WDR6: variants seen among roughly 807,000 people sequenced by gnomAD.
WDR6 encodes the protein tRNA (34-2'-O)-methyltransferase regulator WDR6.
WDR6 carries 58 observed loss-of-function variants against 85.6 expected under a neutral mutation model. That is an observed-to-expected ratio of 0.68 (90% CI 0.55 to 0.84). WDR6 has a LOEUF of 0.84. WDR6 is among the 40% of genes least tolerant of loss of function. The probability of loss-of-function intolerance (pLI) is 0.00; values close to 1 mark genes in which losing one functional copy is unlikely to be tolerated. For synonymous variants in WDR6, 569 were observed against 582.2 expected, an observed-to-expected ratio of 0.98 and a Z score of 0.33; for missense variants, 1,310 against 1,476.4, an observed-to-expected ratio of 0.89 and a Z score of 1.85.
At position 49,015,470 on chromosome 3, in the gene WDR6, C is replaced by G. The variant is rs2093050206; in HGVS notation, c.*182C>G. 2 of 1,513,376 alleles carry G rather than the reference C, an allele frequency of 1.3e-6. No individual in the cohort carries two copies. The highest frequency in any genetic ancestry group is 1.8e-6 in the Non-Finnish European group (2 of 1,106,872). 93.7% of individuals were successfully genotyped at this position (1,513,376 alleles called of 1,614,324 possible). A position where few individuals can be genotyped will look rare whatever the true frequency, so the allele number is the denominator to read the frequency against. The stretch of plus-strand genomic sequence containing the variant: ...GTGCTGCCAAGAATATGCCCGACTC[C>G]CCATGACAAGACAGAACTTTGTAAC... On this transcript the variant is annotated 3_prime_UTR_variant, in exon 6 of 6. Transcript: ENST00000608424.
Position 49,015,581 on chromosome 3 carries a change from T to C in WDR6, c.*293T>C. The stretch of plus-strand genomic sequence containing the variant: ...GAACATTCCCAGGTATTGGAGCCTC[T>C]GTGGCCTTAAATGTGGCTCAGTGGA... On this transcript the variant is annotated 3_prime_UTR_variant, in exon 6 of 6. Transcript: ENST00000608424. 6.2e-7 allele frequency: 1 copy of C among 1,614,132 alleles called. No individual in the cohort carries two copies. Among genetic ancestry groups the C allele is most frequent in the Non-Finnish European group, 8.5e-7 (1 of 1,179,998 alleles).
rs1455770540 is a variant in WDR6 at position 49,012,856 on chromosome 3, T to C, written c.1322T>C (p.Leu441Ser). 1 of 1,613,614 alleles carries C rather than the reference T, an allele frequency of 6.2e-7. No individual in the cohort carries two copies. The highest frequency in any genetic ancestry group is 1.3e-5 in the African/African-American group (1 of 74,854). Reference sequence around the variant, plus strand: ...CTGTTTCCTGGGAAGGTGCACAGCTTGAGCTGGGCCCTGCGTGGTTATGAG... The same window carrying C: ...CTGTTTCCTGGGAAGGTGCACAGCTCGAGCTGGGCCCTGCGTGGTTATGAG... ...QTLFPGKVHS[L>S]SWALRGYEEL... is the part of the protein sequence containing the mutation. Residue 441 changes from leucine to serine, a missense_variant, in exon 2 of 6, where the codon TTG becomes TCG. Coordinates refer to ENST00000608424, the MANE Select transcript of WDR6 (RefSeq NM_018031.6). The surrounding 1 kb of genome is among the most constrained non-coding windows in gnomAD (Gnocchi z 4.4).
At position 49,007,527 on chromosome 3, in the gene WDR6, G is replaced by A. The variant is rs555886608; in HGVS notation, c.96G>A (p.Leu32=). ...TGLECVGDRL[L]AGEGPDVLVY... is the part of the protein sequence containing the mutation. ...TGGAGTGCGTGGGGGACCGGCTGTTGGCGGGTGAGGCTTGGCTTGAGGCAC... is the reference window on the plus strand; with the variant it reads ...TGGAGTGCGTGGGGGACCGGCTGTTAGCGGGTGAGGCTTGGCTTGAGGCAC... Residue 32 remains leucine (L), a synonymous_variant, in exon 1 of 6, where the codon TTG becomes TTA. Coordinates refer to ENST00000608424, the MANE Select transcript of WDR6 (RefSeq NM_018031.6). The surrounding 1 kb of genome is among the most constrained non-coding windows in gnomAD (Gnocchi z 5.1). 5.0e-6 allele frequency: 8 copies of A among 1,595,576 alleles called. No individual in the cohort carries two copies. The South Asian group carries it at 8.9e-5, about 18-fold the overall frequency.
rs768836756 is a variant in WDR6 at position 49,011,718 on chromosome 3, C to T, written c.184C>T (p.His62Tyr). ...MIKRVQNLLG[H>Y]YLIHGFRVRP... is the part of the protein sequence containing the mutation. The stretch of plus-strand genomic sequence containing the variant: ...AAAGCGAGTGCAGAACCTGCTTGGC[C>T]ACTATCTTATCCATGGCTTCCGGGT... The change falls in exon 2 of 6, where the codon CAC becomes TAC. Residue 62 changes from histidine to tyrosine, a missense_variant. By Grantham distance (83) the His-to-Tyr change is moderately conservative. Transcript: ENST00000608424. 17 of 1,614,176 alleles carry T rather than the reference C, an allele frequency of 1.1e-5. No individual in the cohort carries two copies. Among genetic ancestry groups the T allele is most frequent in the Non-Finnish European group, 1.4e-5 (17 of 1,180,036 alleles).
Position 49,007,457 on chromosome 3 carries a change from G to T in WDR6, c.26G>T (p.Trp9Leu). ...ATGGACGCTCTCGAGGACTACGTTT[G>T]GCCGCGGGCAACCTCGGAGCTTATA... MDALEDYV[W>L]PRATSELILL... Residue 9 changes from tryptophan to leucine, a missense_variant, in exon 1 of 6, where the codon TGG becomes TTG. Trp to Leu is a moderately conservative substitution (Grantham distance 61). Transcript: ENST00000608424. The surrounding 1 kb of genome is among the most constrained non-coding windows in gnomAD (Gnocchi z 5.1). 5 of 1,612,626 alleles carry T rather than the reference G, an allele frequency of 3.1e-6. No homozygotes were observed. The highest frequency in any genetic ancestry group is 4.2e-6 in the Non-Finnish European group (5 of 1,179,268).
rs776493844 is a variant in WDR6, at chr3:49,014,065, G to A, written c.2531G>A (p.Trp844Ter). ...HLSSHRLDEYWDRQRNRHRMV... is the reference protein window; with the variant it reads ...HLSSHRLDEY ...TCGTCCCACCGGCTAGATGAGTATT[G>A]GGACCGGCAACGCAATCGGCATCGG... The change falls in exon 2 of 6, where the codon TGG (tryptophan) becomes TAG (stop). Residue 844 changes from tryptophan to a stop codon, truncating the protein, a stop_gained. Transcript: ENST00000608424. LOFTEE classifies it high-confidence loss of function. The surrounding 1 kb of genome is among the most constrained non-coding windows in gnomAD (Gnocchi z 4.9). The A allele has an allele frequency of 1.2e-6, 2 of 1,613,154 alleles. No individual in the cohort carries two copies. The highest frequency in any genetic ancestry group is 1.7e-6 in the Non-Finnish European group (2 of 1,179,988).
In WDR6 at chr3:49,014,845, A is replaced by G; in HGVS notation, c.2923A>G (p.Thr975Ala). The change falls in exon 6 of 6, where the codon ACT becomes GCT. Residue 975 changes from threonine (T) to alanine (A), a missense_variant. Coordinates refer to ENST00000608424, the MANE Select transcript of WDR6 (RefSeq NM_018031.6). The surrounding 1 kb of genome is among the most constrained non-coding windows in gnomAD (Gnocchi z 4.9). ...LPYRLGTPSL[T>A]LQAHSCGINS... is the part of the protein sequence containing the mutation. The stretch of plus-strand genomic sequence containing the variant: ...TTCAGGGCTTGGCACCCCCTCCCTG[A>G]CTCTCCAGGCCCACAGCTGTGGTAT... 1 of 1,601,164 alleles carries G rather than the reference A, an allele frequency of 6.2e-7. No individual in the cohort carries two copies. The highest frequency in any genetic ancestry group is 8.5e-7 in the Non-Finnish European group (1 of 1,172,040).
chr3:49,014,580 TGTC>T lies in WDR6; in HGVS notation c.2784-19_2784-17del, dbSNP rs200305005. ...GCTTCATCTCTGTTATTGACCAGGC[TGTC>T]TTTTCCTGGCTCTCAGGAGGCTCCT... is the stretch of plus-strand genomic sequence containing the variant. On this transcript the variant is annotated splice_polypyrimidine_tract_variant and intron_variant, in intron 4 of 5. Transcript: ENST00000608424. The surrounding 1 kb of genome is among the most constrained non-coding windows in gnomAD (Gnocchi z 4.9). 0.016 allele frequency: 26,251 copies of T among 1,613,572 alleles called. 280 individuals are homozygous for T. Among genetic ancestry groups the T allele is most frequent in the Non-Finnish European group, 0.019 (22,834 of 1,179,910 alleles).
rs2093020012 is a variant in WDR6, at chr3:49,012,177, A to G, written c.643A>G (p.Met215Val). ...TGGGCATGTGGGCATCATCTTCAGC[A>G]TGTCATACCTGGAAAGCAAGGGATT... is the stretch of plus-strand genomic sequence containing the variant. ...ISGHVGIIFS[M>V]SYLESKGLLA... Residue 215 changes from methionine (M) to valine (V), a missense_variant, in exon 2 of 6, where the codon ATG (methionine) becomes GTG (valine). By Grantham distance (21) the Met-to-Val change is conservative. Coordinates refer to ENST00000608424, the MANE Select transcript of WDR6 (RefSeq NM_018031.6). The surrounding 1 kb of genome is among the most constrained non-coding windows in gnomAD (Gnocchi z 4.4). 1 of 1,614,122 alleles carries G rather than the reference A, an allele frequency of 6.2e-7. No individual in the cohort carries two copies. Among genetic ancestry groups the G allele is most frequent in the African/African-American group, 1.3e-5 (1 of 74,950 alleles).
intron 1 of WDR6, among the ~76,000 whole-genome samples, chr3:49,009,581 C>T (rs375280526): frequency 1.3e-5 from 2 of 152,128 alleles, no homozygotes; most frequent in East Asian, 3.9e-4. Context: ...AGTAGCACAA[C>T]CCCTGGAGAC....
Position 49,012,050 on chromosome 3 carries a change from G to A in WDR6, c.516G>A (p.Glu172=). ...GCCTGATTGGAGACGCCTGGAAGGA[G>A]CTGACCATAGTGGCAGGTGCTGTTT... is the stretch of plus-strand genomic sequence containing the variant. ...SACLIGDAWK[E]LTIVAGAVSN... The change falls in exon 2 of 6, where the codon GAG becomes GAA. Residue 172 remains glutamate, a synonymous_variant. Transcript: ENST00000608424. The surrounding 1 kb of genome is among the most constrained non-coding windows in gnomAD (Gnocchi z 4.4). 1 of 1,614,140 alleles carries A rather than the reference G, an allele frequency of 6.2e-7. No homozygotes were observed.
Position 49,013,470 on chromosome 3 carries a change from G to A in WDR6, c.1936G>A (p.Glu646Lys), listed in dbSNP as rs1175744477. Residue 646 changes from glutamate (E) to lysine (K), a missense_variant, in exon 2 of 6, where the codon GAG becomes AAG. By Grantham distance (56) the Glu-to-Lys change is moderately conservative. Transcript: ENST00000608424. This position sits in a 1 kb window ranked among gnomAD's most constrained non-coding sequence, Gnocchi z 4.6. ...TGTGGTGTGGAACCCTCGGTCACAC[G>A]AGAAGCTGCACATCGTCAACTGTGG... ...EFVVWNPRSH[E>K]KLHIVNCGGG... is the part of the protein sequence containing the mutation. 25 of 1,614,114 alleles carry A rather than the reference G, an allele frequency of 1.5e-5. No homozygotes were observed. The highest frequency in any genetic ancestry group is 1.9e-5 in the Non-Finnish European group (23 of 1,180,012).
At chr3:49,010,660 C>T (rs2093009280) in intron 1 of WDR6, among the ~76,000 whole-genome samples, 1 of 151,722 alleles carries the variant, frequency 6.6e-6, no homozygotes, top group Non-Finnish European at 1.5e-5. Flanking sequence ...ATCATCCTGG[C>T]TAACACGGTG....
At chr3:49,010,523 G>A (rs1186385433) in intron 1 of WDR6, among the ~76,000 whole-genome samples, 2 of 152,012 alleles carry the variant, frequency 1.3e-5, no homozygotes, top group Non-Finnish European at 2.9e-5. Context: ...CGAGACCAGC[G>A]TGGCCAACAT....
chr3:49,015,937 A>G lies in WDR6; in HGVS notation c.*649A>G. 1 of 1,614,218 alleles carries G rather than the reference A, an allele frequency of 6.2e-7. No homozygotes were observed. Among genetic ancestry groups the G allele is most frequent in the Non-Finnish European group, 8.5e-7 (1 of 1,180,038 alleles). Reference sequence around the variant, plus strand: ...CTTGTGCCCCAGGCCAGAATAAAGAATAGAGTGTAGAGTGTCCTGGTTGTC... The same window carrying G: ...CTTGTGCCCCAGGCCAGAATAAAGAGTAGAGTGTAGAGTGTCCTGGTTGTC... On this transcript the variant is annotated 3_prime_UTR_variant, in exon 6 of 6. Coordinates refer to ENST00000608424, the MANE Select transcript of WDR6 (RefSeq NM_018031.6).
chr3:49,015,730 G>C lies in WDR6; in HGVS notation c.*442G>C, dbSNP rs1278331794. The C allele has an allele frequency of 1.2e-6, 2 of 1,613,934 alleles. No individual in the cohort carries two copies. ...CTCCTGAAAGAGAAAGGGCCTGCTG[G>C]TCTCATCCTCTGCTTCCTTTGCCTT... On this transcript the variant is annotated 3_prime_UTR_variant, in exon 6 of 6. Coordinates refer to ENST00000608424, the MANE Select transcript of WDR6 (RefSeq NM_018031.6).
chr3:49,011,921 A>T lies in WDR6; in HGVS notation c.387A>T (p.Ile129=). 1.2e-6 allele frequency: 2 copies of T among 1,614,236 alleles called. No homozygotes were observed. Among genetic ancestry groups the T allele is most frequent in the Non-Finnish European group, 1.7e-6 (2 of 1,180,046 alleles). Residue 129 remains isoleucine (I), a synonymous_variant, in exon 2 of 6, where the codon ATA becomes ATT. Transcript: ENST00000608424. The part of the protein sequence containing the change: ...IWDARWLEGN[I]ALALGHNSVV... Reference sequence around the variant, plus strand: ...ATGCACGCTGGCTTGAGGGAAATATAGCCTTGGCCCTGGGCCACAACTCAG... The same window carrying T: ...ATGCACGCTGGCTTGAGGGAAATATTGCCTTGGCCCTGGGCCACAACTCAG...
rs1434384233 is a variant in WDR6, at chr3:49,014,607, C to T, written c.2791C>T (p.Leu931Phe). ...TCTTTTCCTGGCTCTCAGGAGGCTC[C>T]TCCTGTGCAGCGCAGCTACTGATGG... ...HEAPNQRRRL[L>F]LCSAATDGSL... The change falls in exon 5 of 6, where the codon CTC becomes TTC. Residue 931 changes from leucine (L) to phenylalanine (F), a missense_variant. Transcript: ENST00000608424. The surrounding 1 kb of genome is among the most constrained non-coding windows in gnomAD (Gnocchi z 4.9). The T allele has an allele frequency of 1.9e-6, 3 of 1,613,546 alleles. No homozygotes were observed. The highest frequency in any genetic ancestry group is 2.5e-6 in the Non-Finnish European group (3 of 1,179,978).
At position 49,012,329 on chromosome 3, in the gene WDR6, G is replaced by T. The variant is rs769878025; in HGVS notation, c.795G>T (p.Lys265Asn). 2 of 1,614,238 alleles carry T rather than the reference G, an allele frequency of 1.2e-6. No homozygotes were observed. Among genetic ancestry groups the T allele is most frequent in the Non-Finnish European group, 1.7e-6 (2 of 1,180,042 alleles). Reference sequence around the variant, plus strand: ...ACAGCGCCCGTGTGTGGCAGGTCAAGCTTCTAGAGAATTACCTTATCAGTG... The same window carrying T: ...ACAGCGCCCGTGTGTGGCAGGTCAATCTTCTAGAGAATTACCTTATCAGTG... ...FGHSARVWQV[K>N]LLENYLISAG... The change falls in exon 2 of 6, where the codon AAG becomes AAT. Residue 265 changes from lysine (K) to asparagine (N), a missense_variant. Transcript: ENST00000608424. The surrounding 1 kb of genome is among the most constrained non-coding windows in gnomAD (Gnocchi z 4.4).
Sources: gnomAD v4.1 joint callset for allele counts (sites outside exome capture counted in the v4.1 genomes callset) on GRCh38, gnomAD v4.1.1 for gene constraint, Gnocchi (gnomAD v3.1) non-coding constraint, MANE v1.5 for transcripts, NCBI Gene and HGNC (gene_info 2026-07-23, HGNC 2026-07-21) for gene names.